ERBIN: variants seen among roughly 807,000 people sequenced by gnomAD.
The protein encoded by ERBIN is erbb2 interacting protein.
A neutral mutation model predicts 158.4 loss-of-function variants in ERBIN; 60 were observed. The observed-to-expected ratio is 0.38, with a 90% confidence interval of 0.31 to 0.47. The LOEUF is 0.47. ERBIN is among the 20% of genes least tolerant of loss of function. ERBIN has a pLI of 0.99. For missense variants in ERBIN, 1,610 were observed against 1,648.0 expected (o/e 0.98, Z 0.40); for synonymous variants, 594 against 557.2 (o/e 1.07, Z -0.93).
At chr5:65,976,722 C>T (rs867039138) in intron 1 of ERBIN, among the ~76,000 whole-genome samples, 4 of 151,012 alleles carry the variant, frequency 2.6e-5, no homozygotes, top group Admixed American at 6.6e-5. Context: ...ATGACTCTTA[C>T]GGAGCATGCT....
At chr5:66,049,363 T>C (rs1241820131) in intron 19 of ERBIN, among the ~76,000 whole-genome samples, 1 of 152,118 alleles carries the variant, frequency 6.6e-6, no homozygotes, top group Non-Finnish European at 1.5e-5. Context: ...CTCAAATGTT[T>C]AGCCGTTTGT....
At chr5:66,066,539 A>G (rs1354881546) in intron 21 of ERBIN, among the ~76,000 whole-genome samples, 1 of 151,894 alleles carries the variant, frequency 6.6e-6, no homozygotes, top group Non-Finnish European at 1.5e-5. Context: ...AAAAAAACAA[A>G]AAAAACTGTA....
chr5:66,060,236 G>A (rs1760120879), intron 21 of ERBIN, among the ~76,000 whole-genome samples: 1 of 152,176 alleles, frequency 6.6e-6, no homozygotes, highest in South Asian at 2.1e-4. Flanking sequence ...GGTCTATTCA[G>A]AGATTCAACT....
At position 66,054,492 on chromosome 5, in the gene ERBIN, C is replaced by T. The variant is rs1759388531; in HGVS notation, c.3174C>T (p.Ala1058=). 4 of 1,614,100 alleles carry T rather than the reference C, an allele frequency of 2.5e-6. No homozygotes were observed. The East Asian group carries it at 8.9e-5, about 36-fold the overall frequency. Residue 1058 remains alanine (A), a synonymous_variant, in exon 21 of 26, where the codon GCC becomes GCT. Transcript: ENST00000284037. ...CAGCAAGACATGGGGAAATGTGGGC[C>T]ATCTCACCAAACGACCGACTTATTC... The part of the protein sequence containing the change: ...LGPARHGEMW[A]ISPNDRLIPA...
chr5:65,929,856 T>A (rs540932946), intron 1 of ERBIN, among the ~76,000 whole-genome samples: 65 of 152,246 alleles, frequency 4.3e-4, no homozygotes, highest in Non-Finnish European at 8.5e-4. Flanking sequence ...GCCAGGCTGG[T>A]CTCGAACTCC....
chr5:66,032,921 G>A (rs960340470), intron 14 of ERBIN, among the ~76,000 whole-genome samples: 1 of 152,178 alleles, frequency 6.6e-6, no homozygotes, highest in Non-Finnish European at 1.5e-5. Flanking sequence ...ACCAAGAAAA[G>A]TAACCACAAA....
chr5:66,079,515 A>T lies in ERBIN; in HGVS notation c.*985A>T, dbSNP rs1762283606. Reference sequence around the variant, plus strand: ...AAGATTGTGTTGCCTGTAACACAAAATGTTACGAAGGTTTAGGAAAGCCTC... The same window carrying T: ...AAGATTGTGTTGCCTGTAACACAAATTGTTACGAAGGTTTAGGAAAGCCTC... On this transcript the variant is annotated 3_prime_UTR_variant, in exon 26 of 26. Transcript: ENST00000284037. The T allele has an allele frequency of 6.6e-6, 1 of 152,328 alleles. No individual in the cohort carries two copies. Among genetic ancestry groups the T allele is most frequent in the African/African-American group, 2.4e-5 (1 of 41,148 alleles). The allele number at this position is 152,328 out of a possible 1,614,324, so 9.4% of individuals were successfully genotyped here. A position where few individuals can be genotyped will look rare whatever the true frequency, so the allele number is the denominator to read the frequency against.
At chr5:66,024,234 A>C (rs1162633239) in intron 9 of ERBIN, 72 bp from the exon 10 acceptor site, 1 of 1,063,210 alleles carries the variant, frequency 9.4e-7, no homozygotes, top group African/African-American at 1.6e-5. Flanking sequence ...CTTGGTATCA[A>C]GTTTATTCCC....
At chr5:66,028,594 G>C (rs1240256417) in intron 14 of ERBIN, among the ~76,000 whole-genome samples, 1 of 152,092 alleles carries the variant, frequency 6.6e-6, no homozygotes, top group Non-Finnish European at 1.5e-5. Flanking sequence ...GAGCGATTAG[G>C]AAATCAGACT....
chr5:65,963,368 T>C (rs1312619550), intron 1 of ERBIN, among the ~76,000 whole-genome samples: 1 of 151,814 alleles, frequency 6.6e-6, no homozygotes, highest in Non-Finnish European at 1.5e-5. Context: ...ATATCTAGAG[T>C]TTACTTTTGA....
intron 17 of ERBIN, 124 bp from the exon 18 acceptor site, chr5:66,046,229 G>A: frequency 2.0e-6 from 1 of 503,066 alleles, no homozygotes; most frequent in Non-Finnish European, 3.3e-6. Context: ...TATGTTTAAA[G>A]TTTTCATGTT....
chr5:66,027,018 A>C (rs941003035), intron 13 of ERBIN, among the ~76,000 whole-genome samples: 3 of 152,050 alleles, frequency 2.0e-5, no homozygotes, highest in African/African-American at 7.2e-5. Context: ...ACAATGTTTA[A>C]GTTAAAAACA....
intron 9 of ERBIN, among the ~76,000 whole-genome samples, chr5:66,023,739 G>A (rs937790378): frequency 1.3e-5 from 2 of 149,676 alleles, no homozygotes; most frequent in Non-Finnish European, 3.0e-5. Flanking sequence ...GCAGTGGTGC[G>A]ATCTCGGCTC....
At position 66,038,369 on chromosome 5, in the gene ERBIN, T is replaced by A; in HGVS notation, c.1207-14T>A. On this transcript the variant is annotated splice_polypyrimidine_tract_variant and intron_variant, in intron 14 of 25. Coordinates refer to ENST00000284037, the MANE Select transcript of ERBIN (RefSeq NM_001253697.2). ...AGGGTTATTGAAAATTAAGCATTTA[T>A]TTTCCTTCTCTAGTCCAAACCCCTG... 1.3e-6 allele frequency: 2 copies of A among 1,569,056 alleles called. No individual in the cohort carries two copies. Among genetic ancestry groups the A allele is most frequent in the Non-Finnish European group, 1.7e-6 (2 of 1,147,134 alleles).
chr5:66,027,153 T>C (rs887125979), intron 13 of ERBIN, among the ~76,000 whole-genome samples: 1 of 152,064 alleles, frequency 6.6e-6, no homozygotes, highest in African/African-American at 2.4e-5. Context: ...TGAAATAGTA[T>C]AATAGTATTC....
rs575921404 is a variant in ERBIN at position 66,001,690 on chromosome 5, T to G, written c.307+6826T>G. Among the ~76,000 whole-genome samples, 14 of 152,338 alleles carry G rather than the reference T, an allele frequency of 9.2e-5. No individual in the cohort carries two copies. The South Asian group carries it at 1.2e-3, about 14-fold the overall frequency. ...TGTATTTATCAAGAAATTCAGTTTTTTCTTTTACAGTCTATGATAAAACTG... is the reference window on the plus strand; with the variant it reads ...TGTATTTATCAAGAAATTCAGTTTTGTCTTTTACAGTCTATGATAAAACTG... On this transcript the variant is annotated intron_variant, in intron 4 of 25. Coordinates refer to ENST00000284037, the MANE Select transcript of ERBIN (RefSeq NM_001253697.2).
intron 1 of ERBIN, among the ~76,000 whole-genome samples, chr5:65,939,846 G>A (rs1476280640): frequency 6.6e-6 from 1 of 151,856 alleles, no homozygotes. Context: ...GGTTCACTCA[G>A]TGCTCAATGG....
At chr5:65,940,515 G>GT (rs1280475376) in intron 1 of ERBIN, among the ~76,000 whole-genome samples, 2 of 131,852 alleles carry the variant, frequency 1.5e-5, no homozygotes, top group African/African-American at 6.2e-5. Context: ...TGGGAGGGAG[G>GT]TGGGGGGGGT....
intron 1 of ERBIN, among the ~76,000 whole-genome samples, chr5:65,977,305 C>G (rs1404431824): frequency 6.6e-6 from 1 of 150,872 alleles, no homozygotes. Flanking sequence ...CTGACCCCCC[C>G]ACCTCCCTCC....
Sources: gnomAD v4.1 joint callset for allele counts (sites outside exome capture counted in the v4.1 genomes callset) on GRCh38, gnomAD v4.1.1 for gene constraint, MANE v1.5 for transcripts, NCBI Gene and HGNC (gene_info 2026-07-23, HGNC 2026-07-21) for gene names.